RGS7: variants seen among roughly 807,000 people sequenced by gnomAD.
The protein encoded by RGS7 is regulator of G protein signaling 7.
RGS7 carries 27 observed loss-of-function variants against 81.1 expected under a neutral mutation model. The ratio of observed to expected loss-of-function variants is 0.33; its 90% CI spans 0.25 to 0.46. RGS7 has a LOEUF of 0.46. Ranked by LOEUF, RGS7 falls within the 20% of genes least tolerant of loss-of-function variation. RGS7 has a pLI of 1.00. For missense variants in RGS7, 396 were observed against 607.4 expected, an observed-to-expected ratio of 0.65 and a Z score of 3.66; for synonymous variants, 208 against 207.7, an observed-to-expected ratio of 1.00 and a Z score of -0.01.
chr1:241,238,928 T>C (rs1275756418), intron 2 of RGS7, among the ~76,000 whole-genome samples: 1 of 151,318 alleles, frequency 6.6e-6, no homozygotes, highest in Non-Finnish European at 1.5e-5. Context: ...CAATATTTAA[T>C]TGGCCAATGA....
chr1:241,122,030 T>TGGCC, intron 2 of RGS7, among the ~76,000 whole-genome samples: 1 of 152,180 alleles, frequency 6.6e-6, no homozygotes, highest in Non-Finnish European at 1.5e-5. Flanking sequence ...AGGTAATTAT[T>TGGCC]AAGTTCTTTT....
chr1:241,016,306 T>C (rs1055739345), intron 3 of RGS7, among the ~76,000 whole-genome samples: 1 of 151,972 alleles, frequency 6.6e-6, no homozygotes, highest in Non-Finnish European at 1.5e-5. Context: ...GATTATGAGG[T>C]CAAGAGAACA....
intron 6 of RGS7, among the ~76,000 whole-genome samples, chr1:240,891,215 T>C (rs190867895): frequency 6.6e-6 from 1 of 152,176 alleles, no homozygotes; most frequent in East Asian, 1.9e-4. Context: ...GGGGTGGTTA[T>C]GAAAATTGAA....
intron 18 of RGS7, among the ~76,000 whole-genome samples, chr1:240,786,928 G>A (rs1483757726): frequency 1.3e-5 from 2 of 150,544 alleles, no homozygotes; most frequent in Admixed American, 1.3e-4. Context: ...GGAACACCTG[G>A]GTTTTTTTTA....
rs776970852 is a variant in RGS7 at position 240,802,948 on chromosome 1, T to C, written c.1315A>G (p.Ile439Val). 30 of 1,612,752 alleles carry C rather than the reference T, an allele frequency of 1.9e-5. No individual in the cohort carries two copies. The highest frequency in any genetic ancestry group is 2.5e-5 in the Non-Finnish European group (29 of 1,178,910). ...AGCTCCTGATAGGCACTGGATCTTA[T>C]AAAACGTGGGTATGAATCACTTTTC... ...LMKSDSYPRF[I>V]RSSAYQELLQ... is the part of the protein sequence containing the mutation. The change falls in exon 16 of 19, where the codon ATA (isoleucine) becomes GTA (valine). Residue 439 changes from isoleucine to valine, a missense_variant. Ile to Val is a conservative substitution (Grantham distance 29, BLOSUM62 3). Transcript: ENST00000440928.
intron 2 of RGS7, among the ~76,000 whole-genome samples, chr1:241,228,241 G>A (rs554608122): frequency 6.6e-6 from 1 of 152,270 alleles, no homozygotes; most frequent in Non-Finnish European, 1.5e-5. Flanking sequence ...GCCAAAACAC[G>A]TGAATGAGGA....
At chr1:241,295,388 G>A (rs2079359320) in intron 2 of RGS7, among the ~76,000 whole-genome samples, 1 of 152,048 alleles carries the variant, frequency 6.6e-6, no homozygotes, top group Non-Finnish European at 1.5e-5. Context: ...GAGAGGTGGA[G>A]GTTGCAGTGA....
intron 6 of RGS7, among the ~76,000 whole-genome samples, chr1:240,906,633 T>C (rs1473350820): frequency 6.6e-6 from 1 of 152,220 alleles, no homozygotes; most frequent in Non-Finnish European, 1.5e-5. Flanking sequence ...AGTGATCTAC[T>C]AGGAGTACAA....
At chr1:241,330,219 G>A (rs1053768688) in intron 2 of RGS7, among the ~76,000 whole-genome samples, 29 of 152,158 alleles carry the variant, frequency 1.9e-4, no homozygotes, top group East Asian at 5.8e-4. Context: ...GATTACAGGC[G>A]TGAGCCACCC....
intron 18 of RGS7, among the ~76,000 whole-genome samples, chr1:240,795,929 A>AT (rs1248010853): frequency 2.0e-5 from 3 of 151,962 alleles, no homozygotes; most frequent in African/African-American, 4.8e-5. Context: ...AGTTTAAATG[A>AT]TTTTTTCTTT....
At chr1:241,289,658 T>G (rs1399659182) in intron 2 of RGS7, among the ~76,000 whole-genome samples, 2 of 152,194 alleles carry the variant, frequency 1.3e-5, no homozygotes, top group Middle Eastern at 3.2e-3. Context: ...ACAAAGGAAC[T>G]ACAAGGTATA....
chr1:241,018,183 T>A (rs181813171), intron 3 of RGS7, among the ~76,000 whole-genome samples: 4 of 148,966 alleles, frequency 2.7e-5, no homozygotes, highest in Admixed American at 2.7e-4. Flanking sequence ...CGGTGTTTTA[T>A]CACGTGGCCA....
chr1:241,038,982 A>T (rs554719825), intron 3 of RGS7, among the ~76,000 whole-genome samples: 1 of 148,948 alleles, frequency 6.7e-6, no homozygotes, highest in South Asian at 2.1e-4. Context: ...AATAGAAAGA[A>T]AAAAAAGAAA....
At chr1:241,236,917 A>G (rs1307504414) in intron 2 of RGS7, among the ~76,000 whole-genome samples, 1 of 152,192 alleles carries the variant, frequency 6.6e-6, no homozygotes, top group African/African-American at 2.4e-5. Context: ...AAGTAAAGCA[A>G]TCTTCTTTCT....
chr1:241,040,157 T>C (rs2060537334), intron 3 of RGS7, among the ~76,000 whole-genome samples: 1 of 152,198 alleles, frequency 6.6e-6, no homozygotes, highest in Non-Finnish European at 1.5e-5. Flanking sequence ...TGGCCACATC[T>C]CCTTTAGACC....
chr1:241,312,486 A>C (rs1324390367), intron 2 of RGS7, among the ~76,000 whole-genome samples: 1 of 152,138 alleles, frequency 6.6e-6, no homozygotes, highest in Non-Finnish European at 1.5e-5. Flanking sequence ...ACAGTGTTTC[A>C]AACTTGTTTG....
At chr1:240,992,919 G>T (rs1168879064) in intron 3 of RGS7, among the ~76,000 whole-genome samples, 1 of 151,882 alleles carries the variant, frequency 6.6e-6, no homozygotes, top group African/African-American at 2.4e-5. Flanking sequence ...GGAACCTGAG[G>T]CAGGAGAATC....
At chr1:241,278,719 T>C (rs10802943) in intron 2 of RGS7, among the ~76,000 whole-genome samples, 83,216 of 151,944 alleles carry the variant, frequency 0.55, 23,485 homozygotes, top group East Asian at 0.7. Flanking sequence ...GTTGCGCCGC[T>C]AGCATTGAAG....
chr1:240,973,741 C>G (rs1012128628), intron 4 of RGS7, among the ~76,000 whole-genome samples: 4 of 151,868 alleles, frequency 2.6e-5, no homozygotes, highest in Admixed American at 6.6e-5. Flanking sequence ...AGGGGCCCAC[C>G]ACCGCGCCCG....
Sources: allele counts gnomAD v4.1 joint callset (sites outside exome capture counted in the v4.1 genomes callset), GRCh38; gene constraint gnomAD v4.1.1; transcripts MANE v1.5; gene names NCBI Gene and HGNC (gene_info 2026-07-23, HGNC 2026-07-21).